SEC13: variants seen among roughly 807,000 people sequenced by gnomAD.
SEC13 encodes protein SEC13 homolog.
Under a neutral mutation model 49.2 loss-of-function variants are expected in SEC13, and 25 were observed. The observed-to-expected ratio is 0.51, with a 90% CI of 0.37 to 0.71. SEC13 has a LOEUF of 0.71. Ranked by LOEUF, SEC13 falls within the 30% of genes least tolerant of loss-of-function variation. The pLI is 0.00. For synonymous variants in SEC13, 148 were observed against 163.9 expected (o/e 0.90, Z 0.74); for missense variants, 383 against 417.6 (o/e 0.92, Z 0.72).
At chr3:10,312,818 T>C (rs1445764623) in intron 3 of SEC13, 88 bp from the exon 4 acceptor site, 13 of 1,333,180 alleles carry the variant, frequency 9.8e-6, no homozygotes, top group South Asian at 1.3e-5. Context: ...TGAGACGATA[T>C]ATCAGGGCAG....
intron 8 of SEC13, 190 bp downstream of exon 8, chr3:10,303,836 G>A (rs1700693306): frequency 6.3e-6 from 4 of 638,124 alleles, no homozygotes; most frequent in Non-Finnish European, 1.1e-5. Flanking sequence ...ATCTGTGAAA[G>A]GGGGACGTGT....
intron 1 of SEC13, among the ~76,000 whole-genome samples, chr3:10,318,559 C>A (rs1244962016): frequency 6.6e-6 from 1 of 152,030 alleles, no homozygotes; most frequent in African/African-American, 2.4e-5. Flanking sequence ...TGAGGAGAGA[C>A]CCCAAGGGAG....
At chr3:10,309,095 G>A (rs1016062969) in intron 5 of SEC13, among the ~76,000 whole-genome samples, 2 of 151,758 alleles carry the variant, frequency 1.3e-5, no homozygotes, top group Non-Finnish European at 2.9e-5. Context: ...GCGCCACCAC[G>A]TCTGGCTAAT....
intron 1 of SEC13, among the ~76,000 whole-genome samples, chr3:10,320,298 C>T (rs1235515282): frequency 6.6e-6 from 1 of 152,136 alleles, no homozygotes; most frequent in African/African-American, 2.4e-5. Context: ...TGAGACACAC[C>T]CATGTTTCTA....
intron 3 of SEC13, 49 bp from the exon 4 acceptor site, chr3:10,312,779 A>C: frequency 6.3e-7 from 1 of 1,592,336 alleles, no homozygotes; most frequent in Non-Finnish European, 8.6e-7. Context: ...CTCTGCAGGC[A>C]CTACTTTGGA....
chr3:10,307,092 C>T (rs1345946980), intron 5 of SEC13, among the ~76,000 whole-genome samples: 2 of 152,054 alleles, frequency 1.3e-5, no homozygotes, highest in Non-Finnish European at 2.9e-5. Flanking sequence ...CTCACTGTCA[C>T]CCAGGCTAGA....
intron 5 of SEC13, among the ~76,000 whole-genome samples, chr3:10,308,769 T>C (rs1701047030): frequency 6.6e-6 from 1 of 150,924 alleles, no homozygotes; most frequent in Non-Finnish European, 1.5e-5. Context: ...ATTATATCTT[T>C]TTGTTGGTGA....
At chr3:10,303,779 T>C (rs1214391189) in intron 8 of SEC13, 2 of 532,250 alleles carry the variant, frequency 3.8e-6, no homozygotes, top group Non-Finnish European at 6.9e-6. Context: ...CCTCATAGTT[T>C]TGGGACCCCC....
At chr3:10,320,803 G>T in intron 1 of SEC13, 1 of 1,332,464 alleles carries the variant, frequency 7.5e-7, no homozygotes, top group Non-Finnish European at 9.6e-7. Flanking sequence ...CGAAAAGAAG[G>T]AAGGGAGACT....
chr3:10,301,298 G>GA lies in SEC13; in HGVS notation c.931dup (p.Ser311PhefsTer35). The stretch of plus-strand genomic sequence containing the variant: ...CTGCTGGCCCTCTGTCACTGATGCT[G>GA]ATACGGAGCCCTGGCCCTTGTTGAC... On this transcript the variant is annotated frameshift_variant, in exon 9 of 9. Coordinates refer to ENST00000350697, the MANE Select transcript of SEC13 (RefSeq NM_183352.3). LOFTEE classifies it high-confidence loss of function. The GA allele has an allele frequency of 6.2e-7, 1 of 1,614,142 alleles. No homozygotes were observed. Among genetic ancestry groups the GA allele is most frequent in the Non-Finnish European group, 8.5e-7 (1 of 1,180,028 alleles).
At chr3:10,303,631 G>T in intron 8 of SEC13, 1 of 275,752 alleles carries the variant, frequency 3.6e-6, no homozygotes, top group Non-Finnish European at 7.1e-6. Context: ...AGCCTTTTCA[G>T]TGTTATGGAC....
At chr3:10,316,643 A>G (rs1336648133) in intron 2 of SEC13, among the ~76,000 whole-genome samples, 3 of 152,110 alleles carry the variant, frequency 2.0e-5, no homozygotes, top group African/African-American at 7.2e-5. Flanking sequence ...CCAACATCCT[A>G]TGGGCCTTAG....
intron 1 of SEC13, chr3:10,320,436 T>TA (rs1190972230): frequency 6.5e-5 from 53 of 819,276 alleles, no homozygotes; most frequent in Non-Finnish European, 7.5e-5. Flanking sequence ...CACAGAGACT[T>TA]AAAAAACCCT....
At chr3:10,318,705 T>C (rs2059708014) in intron 1 of SEC13, among the ~76,000 whole-genome samples, 1 of 152,210 alleles carries the variant, frequency 6.6e-6, no homozygotes. Flanking sequence ...CGTCACGTAG[T>C]GGGATCCAGA....
chr3:10,311,516 CCAA>C, intron 5 of SEC13: 1 of 365,868 alleles, frequency 2.7e-6, no homozygotes, highest in Non-Finnish European at 3.8e-6. Flanking sequence ...GATTGAACCA[CCAA>C]CATCACGACC....
At chr3:10,320,269 G>C (rs146880333) in intron 1 of SEC13, among the ~76,000 whole-genome samples, 1 of 152,264 alleles carries the variant, frequency 6.6e-6, no homozygotes, top group East Asian at 1.9e-4. Flanking sequence ...GTTCCTGCAG[G>C]TTCCCTCAAA....
intron 5 of SEC13, 44 bp from the exon 6 acceptor site, chr3:10,305,736 A>G: frequency 6.2e-7 from 1 of 1,610,922 alleles, no homozygotes; most frequent in Non-Finnish European, 8.5e-7. Context: ...GCAAGAGAAC[A>G]CTGCTTCTGC....
At chr3:10,307,828 C>T (rs1268653006) in intron 5 of SEC13, among the ~76,000 whole-genome samples, 1 of 152,176 alleles carries the variant, frequency 6.6e-6, no homozygotes, top group Non-Finnish European at 1.5e-5. Flanking sequence ...CTCAGCCTCC[C>T]AAAGTGCTGG....
chr3:10,309,120 T>C (rs1029494695), intron 5 of SEC13, among the ~76,000 whole-genome samples: 26 of 151,760 alleles, frequency 1.7e-4, no homozygotes, highest in South Asian at 4.2e-4. Flanking sequence ...GTATTTTTAG[T>C]AGAGACGGGG....
Sources: allele counts gnomAD v4.1 joint callset (sites outside exome capture counted in the v4.1 genomes callset), GRCh38; gene constraint gnomAD v4.1.1; transcripts MANE v1.5; gene names NCBI Gene and HGNC (gene_info 2026-07-23, HGNC 2026-07-21).